SNRNP40: variants seen among roughly 807,000 people sequenced by gnomAD.
SNRNP40 encodes the protein small nuclear ribonucleoprotein U5 subunit 40.
A neutral mutation model predicts 45.8 loss-of-function variants in SNRNP40; 21 were observed. The ratio of observed to expected loss-of-function variants is 0.46; its 90% CI spans 0.32 to 0.66. The LOEUF is 0.66. SNRNP40 is among the 30% of genes least tolerant of loss of function. The probability of loss-of-function intolerance (pLI) is 0.03; values close to 1 mark genes in which losing one functional copy is unlikely to be tolerated. For missense variants in SNRNP40, 344 were observed against 439.1 expected, an observed-to-expected ratio of 0.78 and a Z score of 1.94; for synonymous variants, 142 against 163.8, an observed-to-expected ratio of 0.87 and a Z score of 1.01.
At chr1:31,261,785 T>C in intron 8 of SNRNP40, 153 bp from the exon 9 acceptor site, 2 of 572,010 alleles carry the variant, frequency 3.5e-6, no homozygotes, top group Non-Finnish European at 6.3e-6. Context: ...GAACACAGAG[T>C]TTGAATAAGA....
intron 1 of SNRNP40, 148 bp downstream of exon 1, chr1:31,296,463 G>T: frequency 9.2e-7 from 1 of 1,087,054 alleles, no homozygotes; most frequent in Non-Finnish European, 1.3e-6. Context: ...GCTATGGGGA[G>T]CTTTTACAGT....
rs545567208 is a variant in SNRNP40, at chr1:31,263,795, C to CTATG, written c.921-2167_921-2164dup. On this transcript the variant is annotated intron_variant, in intron 8 of 9. Coordinates refer to ENST00000263694, the MANE Select transcript of SNRNP40 (RefSeq NM_004814.3). ...TGACCAGGAGCCCAGCAGGGGGTTC[C>CTATG]TATGTTCCTGACCACCTCTTCAGTA... 108 of 231,922 alleles carry CTATG rather than the reference C, an allele frequency of 4.7e-4. 1 individual carries two copies. In the East Asian group the frequency reaches 0.011, roughly 24 times the overall value. 14.4% of individuals were successfully genotyped at this position (231,922 alleles called of 1,614,324 possible).
chr1:31,286,744 C>G (rs1439144891), intron 4 of SNRNP40, among the ~76,000 whole-genome samples: 1 of 152,164 alleles, frequency 6.6e-6, no homozygotes, highest in Non-Finnish European at 1.5e-5. Context: ...TGTATGGATG[C>G]CTTCCTCACT....
chr1:31,281,250 C>A, intron 5 of SNRNP40, 124 bp downstream of exon 5: 2 of 711,078 alleles, frequency 2.8e-6, no homozygotes, highest in Non-Finnish European at 2.2e-6. Context: ...AAATAAGTTC[C>A]AAGTTACTAT....
At chr1:31,275,709 T>C (rs577728392) in intron 5 of SNRNP40, among the ~76,000 whole-genome samples, 1 of 152,284 alleles carries the variant, frequency 6.6e-6, no homozygotes, top group South Asian at 2.1e-4. Context: ...GTATTTTTAA[T>C]AGGGAAAAGA....
At chr1:31,280,767 G>GT (rs373402074) in intron 5 of SNRNP40, among the ~76,000 whole-genome samples, 28,482 of 143,228 alleles carry the variant, frequency 0.2, 2,849 homozygotes, top group South Asian at 0.26. Flanking sequence ...AGATGCTACT[G>GT]TTTTTTTTTT....
intron 4 of SNRNP40, 126 bp downstream of exon 4, chr1:31,289,128 A>G (rs925816910): frequency 4.7e-5 from 35 of 737,680 alleles, no homozygotes; most frequent in Non-Finnish European, 6.2e-5. Flanking sequence ...AAAAATTTCA[A>G]GTGTGTTATG....
rs528980885 is a variant in SNRNP40, at chr1:31,295,386, C to A, written c.141+1225G>T. Among the ~76,000 whole-genome samples, 8 of 152,200 alleles carry A rather than the reference C, an allele frequency of 5.3e-5. No homozygotes were observed. The South Asian group carries it at 1.7e-3, about 32-fold the overall frequency. ...AGAGAGAGAAGCAATGTGGGTTCCA[C>A]AGTATGTGGTACTGCAATTTAAAAT... On this transcript the variant is annotated intron_variant, in intron 1 of 9. Transcript: ENST00000263694.
At chr1:31,290,972 A>G (rs1382767431) in intron 3 of SNRNP40, among the ~76,000 whole-genome samples, 2 of 152,138 alleles carry the variant, frequency 1.3e-5, no homozygotes, top group East Asian at 3.9e-4. Context: ...GTAGAAAAAA[A>G]GGCATTAGAA....
At chr1:31,286,991 C>T (rs112144213) in intron 4 of SNRNP40, among the ~76,000 whole-genome samples, 94 of 152,322 alleles carry the variant, frequency 6.2e-4, no homozygotes, top group African/African-American at 2.2e-3. Flanking sequence ...TAGAAGAATG[C>T]ACTTGATAAA....
intron 8 of SNRNP40, among the ~76,000 whole-genome samples, chr1:31,262,755 C>T (rs556758694): frequency 1.3e-5 from 2 of 151,838 alleles, no homozygotes; most frequent in Non-Finnish European, 2.9e-5. Context: ...CATGGTGGCT[C>T]ACATCTGTAA....
chr1:31,283,744 A>G (rs142181335), intron 4 of SNRNP40, among the ~76,000 whole-genome samples: 15 of 152,376 alleles, frequency 9.8e-5, no homozygotes, highest in African/African-American at 1.4e-4. Flanking sequence ...TCAACAAAAT[A>G]TAAGGCATGC....
chr1:31,260,093 C>G lies in SNRNP40; in HGVS notation c.1053G>C (p.Leu351=). 6.2e-7 allele frequency: 1 copy of G among 1,610,254 alleles called. No homozygotes were observed. The highest frequency in any genetic ancestry group is 1.7e-5 in the Admixed American group (1 of 59,524). ...IIISASSDKR[L]YMGEIQ Reference sequence around the variant, plus strand: ...ATCTTCACTGAATCTCTCCCATATACAGTCTCTTGTCACTCGATGCTGAGA... The same window carrying G: ...ATCTTCACTGAATCTCTCCCATATAGAGTCTCTTGTCACTCGATGCTGAGA... The change falls in exon 10 of 10, where the codon CTG becomes CTC. Residue 351 remains leucine (L), a synonymous_variant. Transcript: ENST00000263694.
At chr1:31,284,552 C>G (rs1470786710) in intron 4 of SNRNP40, among the ~76,000 whole-genome samples, 3 of 152,172 alleles carry the variant, frequency 2.0e-5, no homozygotes, top group Non-Finnish European at 4.4e-5. Flanking sequence ...GAATGACACA[C>G]TTGAGAAGAT....
At chr1:31,270,337 G>A (rs1035832629) in intron 6 of SNRNP40, among the ~76,000 whole-genome samples, 19 of 152,030 alleles carry the variant, frequency 1.2e-4, no homozygotes, top group African/African-American at 4.1e-4. Context: ...CATAAAGAAC[G>A]CTAGAATTAG....
intron 2 of SNRNP40, among the ~76,000 whole-genome samples, chr1:31,292,554 G>A (rs1000590629): frequency 2.0e-5 from 3 of 152,194 alleles, no homozygotes; most frequent in East Asian, 1.9e-4. Flanking sequence ...TCATCCACCC[G>A]GCACCGAGGA....
At chr1:31,261,780 C>CAA in intron 8 of SNRNP40, 148 bp from the exon 9 acceptor site, 2 of 576,652 alleles carry the variant, frequency 3.5e-6, no homozygotes, top group Middle Eastern at 3.0e-4. Flanking sequence ...ACTAGGAACA[C>CAA]AGAGTTTGAA....
chr1:31,268,453 A>C (rs1394318232), intron 7 of SNRNP40, among the ~76,000 whole-genome samples: 1 of 151,818 alleles, frequency 6.6e-6, no homozygotes, highest in Admixed American at 6.6e-5. Context: ...CAGATTTTTT[A>C]TCTTTTGTAG....
chr1:31,264,099 A>C (rs545501597), intron 8 of SNRNP40, among the ~76,000 whole-genome samples: 2 of 152,214 alleles, frequency 1.3e-5, no homozygotes, highest in African/African-American at 4.8e-5. Flanking sequence ...GCAATCAACA[A>C]CTCACCAGTA....
Sources: allele counts gnomAD v4.1 joint callset (sites outside exome capture counted in the v4.1 genomes callset), GRCh38; gene constraint gnomAD v4.1.1; transcripts MANE v1.5; gene names NCBI Gene and HGNC (gene_info 2026-07-23, HGNC 2026-07-21).